The following UNC13B variants were observed in gnomAD, a reference collection of about 807,000 sequenced individuals.
UNC13B encodes the protein unc-13 homolog B, also known as protein unc-13 homolog B.
A neutral mutation model predicts 211.0 loss-of-function variants in UNC13B; 144 were observed. That is an observed-to-expected ratio of 0.68 (90% CI 0.60 to 0.78). UNC13B has a LOEUF of 0.78. Among genes scored for constraint, UNC13B ranks in the 30% least tolerant of loss-of-function variants. The pLI is 0.00. For missense variants in UNC13B, 1,777 were observed against 2,002.0 expected, an observed-to-expected ratio of 0.89 and a Z score of 2.14; for synonymous variants, 709 against 725.8, an observed-to-expected ratio of 0.98 and a Z score of 0.37.
chr9:35,179,307 C>T (rs528514560), intron 1 of UNC13B, among the ~76,000 whole-genome samples: 1 of 152,160 alleles, frequency 6.6e-6, no homozygotes, highest in African/African-American at 2.4e-5. Context: ...GCAGGTGTTT[C>T]ATAGACTGGA....
rs546615654 is a variant in UNC13B at position 35,392,833 on chromosome 9, AAAAAG to A, written c.11308+2134_11308+2138del. Among the ~76,000 whole-genome samples the A allele has an allele frequency of 7.2e-4, 109 of 152,318 alleles. 1 individual carries two copies. Among genetic ancestry groups the A allele is most frequent in the African/African-American group, 2.0e-3 (83 of 41,570 alleles). ...ATAAAGAAAAGGGTGAAACATTAAAAAAAAGAAAAGAAAAGAAAATGCTGTCCGTC... is the reference window on the plus strand; with the variant it reads ...ATAAAGAAAAGGGTGAAACATTAAAAAAAAGAAAAGAAAATGCTGTCCGTC... On this transcript the variant is annotated intron_variant, in intron 26 of 39. Coordinates refer to ENST00000635942, the MANE Select transcript of UNC13B (RefSeq NM_001371189.2).
chr9:35,397,332 C>G (rs1319176354), intron 29 of UNC13B, 22 bp downstream of exon 29: 6 of 1,610,808 alleles, frequency 3.7e-6, no homozygotes, highest in Non-Finnish European at 5.1e-6. Flanking sequence ...TCTTCCTACT[C>G]CCTCCCCCTT....
intron 7 of UNC13B, among the ~76,000 whole-genome samples, chr9:35,267,435 CAGT>C (rs1442127279): frequency 1.3e-5 from 2 of 152,160 alleles, no homozygotes; most frequent in Non-Finnish European, 2.9e-5. Context: ...CACTTCACTG[CAGT>C]GTCTTTTTAA....
intron 1 of UNC13B, among the ~76,000 whole-genome samples, chr9:35,192,314 T>A (rs1321945991): frequency 6.6e-6 from 1 of 152,244 alleles, no homozygotes; most frequent in East Asian, 1.9e-4. Context: ...GTTTCCTCTA[T>A]TTCTTGATCT....
In UNC13B at chr9:35,377,493, T is replaced by G. The variant is rs61753426; in HGVS notation, c.9861T>G (p.His3287Gln). The G allele has an allele frequency of 5.0e-6, 8 of 1,614,152 alleles. No homozygotes were observed. The highest frequency in any genetic ancestry group is 6.8e-6 in the Non-Finnish European group (8 of 1,180,046). The change falls in exon 16 of 40, where the codon CAT becomes CAG. Residue 3287 changes from histidine (H) to glutamine (Q), a missense_variant. Coordinates refer to ENST00000635942, the MANE Select transcript of UNC13B (RefSeq NM_001371189.2). ...LQRAAEKSCK[H>Q]GAEDRTQNII... Reference sequence around the variant, plus strand: ...GGGCTGCAGAAAAGAGCTGTAAACATGGAGCTGAGGACCGGACCCAGAACA... The same window carrying G: ...GGGCTGCAGAAAAGAGCTGTAAACAGGGAGCTGAGGACCGGACCCAGAACA...
intron 11 of UNC13B, among the ~76,000 whole-genome samples, chr9:35,329,326 T>G (rs1831235888): frequency 6.6e-6 from 1 of 152,248 alleles, no homozygotes; most frequent in South Asian, 2.1e-4. Context: ...TACTCCATTA[T>G]GACTAATGTC....
At chr9:35,240,988 T>G (rs1413572756) in intron 5 of UNC13B, among the ~76,000 whole-genome samples, 1 of 147,886 alleles carries the variant, frequency 6.8e-6, no homozygotes, top group Admixed American at 6.9e-5. Flanking sequence ...CCAGGAGGCA[T>G]GGAGGTTGCA....
At position 35,231,773 on chromosome 9, in the gene UNC13B, A is replaced by G. The variant is rs1368012563; in HGVS notation, c.152+554A>G. Among the ~76,000 whole-genome samples, 3 of 152,296 alleles carry G rather than the reference A, an allele frequency of 2.0e-5. No individual in the cohort carries two copies. The East Asian group carries it at 5.8e-4, about 29-fold the overall frequency. ...ATATTAGTAGAATTTCTCGTGTATG[A>G]CAAAGTTTAGTATATTATGATTTTA... On this transcript the variant is annotated intron_variant, in intron 3 of 39. Transcript: ENST00000635942.
chr9:35,249,346 C>T (rs948022581), intron 6 of UNC13B, among the ~76,000 whole-genome samples: 3 of 152,102 alleles, frequency 2.0e-5, no homozygotes, highest in Non-Finnish European at 2.9e-5. Context: ...GAGCATTTAG[C>T]CCATTTACAT....
At chr9:35,219,145 T>C (rs1824430318) in intron 1 of UNC13B, among the ~76,000 whole-genome samples, 1 of 152,184 alleles carries the variant, frequency 6.6e-6, no homozygotes, top group South Asian at 2.1e-4. Flanking sequence ...ATTTAAAAAA[T>C]TCTATAGAAC....
chr9:35,292,841 A>G (rs1016476137), intron 7 of UNC13B, among the ~76,000 whole-genome samples: 4 of 152,242 alleles, frequency 2.6e-5, no homozygotes, highest in African/African-American at 9.6e-5. Flanking sequence ...GGCTGAGCCA[A>G]CCAAACCTGC....
Position 35,378,410 on chromosome 9 carries a change from T to C in UNC13B, c.10179T>C (p.Asn3393=). Residue 3393 remains asparagine (N), a synonymous_variant, in exon 17 of 40, where the codon AAT becomes AAC. Transcript: ENST00000635942. Reference sequence around the variant, plus strand: ...CCAAGACCATTTTTGGAAACTTGAATCCTGTTTGGGAGGAGAAGTTCCATT... The same window carrying C: ...CCAAGACCATTTTTGGAAACTTGAACCCTGTTTGGGAGGAGAAGTTCCATT... ...KRTKTIFGNL[N]PVWEEKFHFE... 8 of 1,614,146 alleles carry C rather than the reference T, an allele frequency of 5.0e-6. No individual in the cohort carries two copies. Among genetic ancestry groups the C allele is most frequent in the Non-Finnish European group, 6.8e-6 (8 of 1,180,008 alleles).
chr9:35,206,503 C>G (rs1032124901), intron 1 of UNC13B, among the ~76,000 whole-genome samples: 1 of 152,036 alleles, frequency 6.6e-6, no homozygotes, highest in African/African-American at 2.4e-5. Context: ...GCTTTTTTAA[C>G]TTAGCATAAT....
At chr9:35,241,271 G>T (rs965741482) in intron 5 of UNC13B, among the ~76,000 whole-genome samples, 4 of 151,870 alleles carry the variant, frequency 2.6e-5, no homozygotes, top group African/African-American at 9.7e-5. Flanking sequence ...CTAGAGCCTG[G>T]GCTTTTAATT....
At chr9:35,371,091 G>T (rs1158481233) in intron 13 of UNC13B, among the ~76,000 whole-genome samples, 1 of 152,156 alleles carries the variant, frequency 6.6e-6, no homozygotes, top group Non-Finnish European at 1.5e-5. Context: ...TAGAAATCGG[G>T]TGTAAGGATT....
chr9:35,247,411 A>G (rs1429027723), intron 6 of UNC13B, among the ~76,000 whole-genome samples: 2 of 152,160 alleles, frequency 1.3e-5, no homozygotes, highest in African/African-American at 4.8e-5. Context: ...GTGGTGAGAG[A>G]GGGCATCCCT....
intron 8 of UNC13B, among the ~76,000 whole-genome samples, chr9:35,298,035 A>G (rs1829484008): frequency 6.6e-6 from 1 of 152,156 alleles, no homozygotes; most frequent in Non-Finnish European, 1.5e-5. Context: ...ATTAGCATCC[A>G]TTGATCCGTG....
intron 2 of UNC13B, among the ~76,000 whole-genome samples, chr9:35,228,717 T>A (rs1157208830): frequency 6.9e-6 from 1 of 144,148 alleles, no homozygotes; most frequent in Non-Finnish European, 1.5e-5. Context: ...TGTGTGTGTG[T>A]GTGTGTGTGT....
chr9:35,178,616 G>A (rs767972217), intron 1 of UNC13B, among the ~76,000 whole-genome samples: 8 of 151,798 alleles, frequency 5.3e-5, no homozygotes, highest in African/African-American at 9.7e-5. Flanking sequence ...GAGAAAATAG[G>A]CCAGTGGCTC....
Sources: gnomAD v4.1 joint callset for allele counts (sites outside exome capture counted in the v4.1 genomes callset) on GRCh38, gnomAD v4.1.1 for gene constraint, MANE v1.5 for transcripts, NCBI Gene and HGNC (gene_info 2026-07-23, HGNC 2026-07-21) for gene names.